The following CD99L2 variants were observed in gnomAD, a reference collection of about 807,000 sequenced individuals.
CD99L2 encodes the protein CD99 antigen-like protein 2.
A neutral mutation model predicts 27.3 loss-of-function variants in CD99L2; 24 were observed. The ratio of observed to expected loss-of-function variants is 0.88; its 90% CI spans 0.64 to 1.24. The LOEUF is 1.24. Ranked by LOEUF, CD99L2 falls within the 50% of genes most tolerant of loss-of-function variation. The pLI is 0.00. For synonymous variants in CD99L2, 97 were observed against 87.9 expected (o/e 1.10, Z -0.58); for missense variants, 255 against 221.6 (o/e 1.15, Z -0.96).
intron 1 of CD99L2, among the ~76,000 whole-genome samples, chrX:150,877,517 G>C (rs1460309700): frequency 9.0e-6 from 1 of 111,105 alleles, no homozygotes; most frequent in East Asian, 2.8e-4. Flanking sequence ...AATGCCAACA[G>C]AATCAAGAGC....
intron 4 of CD99L2, among the ~76,000 whole-genome samples, chrX:150,806,417 A>G (rs1557420239): frequency 9.0e-6 from 1 of 111,576 alleles, no homozygotes; most frequent in African/African-American, 3.3e-5. Context: ...CACTACGCCC[A>G]GCTAATTTTT....
In CD99L2 at chrX:150,767,409, G is replaced by C. The variant is rs1386052433; in HGVS notation, c.*1625C>G. On this transcript the variant is annotated 3_prime_UTR_variant, in exon 11 of 11. Coordinates refer to ENST00000370377, the MANE Select transcript of CD99L2 (RefSeq NM_031462.4). ...GGTCCCCCTTCAGCCACACAGTCCA[G>C]GTCTGTCAGGGATTAAAGGGCCGAG... 1 of 112,072 alleles carries C rather than the reference G, an allele frequency of 8.9e-6. No homozygotes were observed. The highest frequency in any genetic ancestry group is 2.8e-4 in the East Asian group (1 of 3,549). The allele number at this position is 112,072 out of a possible 1,213,427, so 9.2% of individuals were successfully genotyped here.
intron 1 of CD99L2, among the ~76,000 whole-genome samples, chrX:150,844,606 T>G (rs1488299449): frequency 6.2e-5 from 7 of 112,297 alleles, no homozygotes; most frequent in African/African-American, 2.3e-4. Flanking sequence ...TGCTGAGTAA[T>G]TAATATCCTC....
At chrX:150,819,289 T>C (rs1427656070) in intron 2 of CD99L2, 1 of 289,607 alleles carries the variant, frequency 3.5e-6, no homozygotes, top group East Asian at 9.2e-5. Context: ...CTATTTCCTC[T>C]GTAGCTCAAG....
At chrX:150,868,146 T>G in intron 1 of CD99L2, among the ~76,000 whole-genome samples, 1 of 109,413 alleles carries the variant, frequency 9.1e-6, no homozygotes, top group Non-Finnish European at 1.9e-5. Flanking sequence ...GGTGCCCACA[T>G]TAGTGTAATT....
At chrX:150,787,890 A>G (rs1192282538) in intron 7 of CD99L2, among the ~76,000 whole-genome samples, 2 of 11,920 alleles carry the variant, frequency 1.7e-4, no homozygotes, top group African/African-American at 3.6e-4. Context: ...AACTTAAAGT[A>G]TATATATATA....
chrX:150,828,330 G>A (rs1473263546), intron 2 of CD99L2: 2 of 111,465 alleles, frequency 1.8e-5, no homozygotes, highest in African/African-American at 3.3e-5. Flanking sequence ...TGTGCTGAGT[G>A]CTTCACATGG....
intron 1 of CD99L2, among the ~76,000 whole-genome samples, chrX:150,852,703 T>C (rs2046811697): frequency 9.0e-6 from 1 of 110,782 alleles, no homozygotes. Flanking sequence ...ATGAATGGAA[T>C]CATCCAGTAC....
intron 1 of CD99L2, among the ~76,000 whole-genome samples, chrX:150,886,693 T>C (rs782696389): frequency 8.9e-6 from 1 of 112,334 alleles, no homozygotes; most frequent in South Asian, 3.7e-4. Context: ...CTGGAGTTAT[T>C]TTTGGTTGAC....
At chrX:150,895,993 T>C (rs1348085368) in intron 1 of CD99L2, among the ~76,000 whole-genome samples, 1 of 95,966 alleles carries the variant, frequency 1.0e-5, no homozygotes, top group Non-Finnish European at 2.0e-5. Flanking sequence ...GCCACTGCAC[T>C]CTAGTCTGGG....
At chrX:150,896,930 C>T (rs2047621082) in intron 1 of CD99L2, among the ~76,000 whole-genome samples, 1 of 112,403 alleles carries the variant, frequency 8.9e-6, no homozygotes, top group Admixed American at 9.4e-5. Context: ...CCTCTACCAC[C>T]TCTTAAATCA....
At chrX:150,839,291 T>C (rs2046586550) in intron 1 of CD99L2, among the ~76,000 whole-genome samples, 1 of 111,643 alleles carries the variant, frequency 9.0e-6, no homozygotes, top group African/African-American at 3.3e-5. Context: ...AATCATAAAA[T>C]GAACAAAACC....
chrX:150,891,371 T>TC (rs1385238091), intron 1 of CD99L2, among the ~76,000 whole-genome samples: 1 of 111,831 alleles, frequency 8.9e-6, no homozygotes, highest in African/African-American at 3.3e-5. Flanking sequence ...TTTTCCAGCT[T>TC]CTAGAGGCTG....
chrX:150,815,497 TC>T (rs1569565975), intron 3 of CD99L2, among the ~76,000 whole-genome samples: 1 of 111,808 alleles, frequency 8.9e-6, no homozygotes, highest in Non-Finnish European at 1.9e-5. Flanking sequence ...ATGACTGGGA[TC>T]CCAGCCACAC....
intron 1 of CD99L2, among the ~76,000 whole-genome samples, chrX:150,881,342 C>G (rs1177983417): frequency 8.9e-6 from 1 of 111,950 alleles, no homozygotes; most frequent in African/African-American, 3.2e-5. Flanking sequence ...CCTCCTCAAA[C>G]CTTCAATGGG....
At chrX:150,817,743 C>A (rs953787623) in intron 2 of CD99L2, among the ~76,000 whole-genome samples, 1 of 111,438 alleles carries the variant, frequency 9.0e-6, no homozygotes, top group Non-Finnish European at 1.9e-5. Flanking sequence ...GTCCTAGCTA[C>A]TTGGGAATAT....
rs868967629 is a variant in CD99L2, at chrX:150,831,967, C to A, written c.68-674G>T. Among the ~76,000 whole-genome samples, 143 of 111,838 alleles carry A rather than the reference C, an allele frequency of 1.3e-3. 1 individual carries two copies. The highest frequency in any genetic ancestry group is 4.5e-3 in the African/African-American group (137 of 30,780). On this transcript the variant is annotated intron_variant, in intron 1 of 10. Transcript: ENST00000370377. Reference sequence around the variant, plus strand: ...GCAATAATAGTAGAACACTTCAATACCTTACTTTCAACATTGAACAGATCA... The same window carrying A: ...GCAATAATAGTAGAACACTTCAATAACTTACTTTCAACATTGAACAGATCA...
intron 1 of CD99L2, among the ~76,000 whole-genome samples, chrX:150,864,374 C>T (rs782820252): frequency 8.9e-6 from 1 of 112,584 alleles, no homozygotes; most frequent in Admixed American, 9.4e-5. Context: ...CTGCTTAGCA[C>T]GAGATACTTT....
intron 7 of CD99L2, among the ~76,000 whole-genome samples, chrX:150,778,302 C>G (rs1330474153): frequency 9.1e-6 from 1 of 110,463 alleles, no homozygotes; most frequent in Non-Finnish European, 1.9e-5. Context: ...CAGGGCCGAA[C>G]ACTCATTAAT....
Sources: allele counts gnomAD v4.1 joint callset (sites outside exome capture counted in the v4.1 genomes callset), GRCh38; gene constraint gnomAD v4.1.1; transcripts MANE v1.5; gene names NCBI Gene and HGNC (gene_info 2026-07-23, HGNC 2026-07-21).